CFAP221: variants seen among roughly 807,000 people sequenced by gnomAD.
CFAP221 encodes the protein cilia and flagella associated protein 221, also known as cilia- and flagella-associated protein 221.
Under a neutral mutation model 113.1 loss-of-function variants are expected in CFAP221, and 97 were observed. The observed-to-expected ratio is 0.86, with a 90% CI of 0.73 to 1.02. The LOEUF is 1.02. Among genes scored for constraint, CFAP221 ranks in the 50% least tolerant of loss-of-function variants. The pLI is 0.00. For missense variants in CFAP221, 1,025 were observed against 1,013.4 expected (o/e 1.01, Z -0.16); for synonymous variants, 331 against 354.4 (o/e 0.93, Z 0.74).
intron 16 of CFAP221, among the ~76,000 whole-genome samples, chr2:119,628,632 G>C (rs1327974903): frequency 1.3e-5 from 2 of 152,324 alleles, no homozygotes; most frequent in Non-Finnish European, 2.9e-5. Flanking sequence ...GCAAGTGCAT[G>C]TGCAAAATAT....
chr2:119,586,742 A>G (rs774458594), intron 6 of CFAP221: 86 of 157,860 alleles, frequency 5.4e-4, no homozygotes, highest in Middle Eastern at 6.5e-3. Context: ...CTATCGCTGC[A>G]ACTCTGGAAA....
chr2:119,652,708 C>T (rs1688198589), intron 23 of CFAP221, among the ~76,000 whole-genome samples: 1 of 152,062 alleles, frequency 6.6e-6, no homozygotes, highest in Non-Finnish European at 1.5e-5. Flanking sequence ...GAAAGAAATA[C>T]AAATTAAAAC....
At chr2:119,548,262 C>T (rs1680187069) in intron 2 of CFAP221, among the ~76,000 whole-genome samples, 1 of 152,200 alleles carries the variant, frequency 6.6e-6, no homozygotes, top group African/African-American at 2.4e-5. Context: ...CCATGCCTAC[C>T]TTTTATTTTT....
intron 1 of CFAP221, among the ~76,000 whole-genome samples, chr2:119,545,767 A>G (rs62159781): frequency 0.02 from 3,062 of 152,276 alleles, 46 homozygotes; most frequent in Non-Finnish European, 0.028. Flanking sequence ...TTTGACTGAG[A>G]GCCTTTATTT....
At chr2:119,608,211 G>A (rs1684906193) in intron 11 of CFAP221, among the ~76,000 whole-genome samples, 1 of 152,178 alleles carries the variant, frequency 6.6e-6, no homozygotes, top group South Asian at 2.1e-4. Flanking sequence ...CCCAGTGGGT[G>A]TAAAGGGGTA....
chr2:119,546,335 G>C (rs940134609), intron 2 of CFAP221, 65 bp downstream of exon 2: 1 of 1,464,838 alleles, frequency 6.8e-7, no homozygotes, highest in African/African-American at 1.4e-5. Context: ...AAAGTCCAGA[G>C]AGCATAATGG....
In CFAP221 at chr2:119,546,102, TA is replaced by T. The variant is rs958406241; in HGVS notation, c.-25del. On this transcript the variant is annotated 5_prime_UTR_variant, in exon 2 of 24. The change creates a premature stop within an existing upstream ORF in the 5' untranslated region. Coordinates refer to ENST00000413369, the MANE Select transcript of CFAP221 (RefSeq NM_001271049.2). ...CTCCCCAGGACATGACCTTTGGCTC[TA>T]AAAAGAAGACTCCATTTTTCATGAT... 1 of 1,517,098 alleles carries T rather than the reference TA, an allele frequency of 6.6e-7. No homozygotes were observed. The highest frequency in any genetic ancestry group is 8.8e-7 in the Non-Finnish European group (1 of 1,141,816). The allele number at this position is 1,517,098 out of a possible 1,614,324, so 94.0% of individuals were successfully genotyped here.
At chr2:119,571,719 A>G (rs750503264) in intron 6 of CFAP221, among the ~76,000 whole-genome samples, 15 of 150,922 alleles carry the variant, frequency 9.9e-5, no homozygotes, top group African/African-American at 1.9e-4. Flanking sequence ...TGGCCTCCCA[A>G]AGTGCTGGGA....
chr2:119,644,078 G>A (rs930440610), intron 21 of CFAP221, among the ~76,000 whole-genome samples: 4 of 151,990 alleles, frequency 2.6e-5, no homozygotes, highest in African/African-American at 4.8e-5. Flanking sequence ...GCTTCAACCC[G>A]GGAGGCAGAG....
intron 19 of CFAP221, among the ~76,000 whole-genome samples, chr2:119,637,835 C>G (rs1687210792): frequency 6.6e-6 from 1 of 152,158 alleles, no homozygotes; most frequent in African/African-American, 2.4e-5. Flanking sequence ...TTTTTGTCAT[C>G]TCTTTAAAGT....
At chr2:119,592,008 A>G (rs1395079688) in intron 7 of CFAP221, among the ~76,000 whole-genome samples, 2 of 152,226 alleles carry the variant, frequency 1.3e-5, no homozygotes, top group Non-Finnish European at 1.5e-5. Context: ...TGTTTATTAT[A>G]TAAATATTAA....
chr2:119,583,742 A>G (rs1683007299), intron 6 of CFAP221, among the ~76,000 whole-genome samples: 1 of 152,138 alleles, frequency 6.6e-6, no homozygotes, highest in South Asian at 2.1e-4. Flanking sequence ...GGCCTTTGGG[A>G]GGTGATGAGG....
chr2:119,627,697 G>A lies in CFAP221; in HGVS notation c.1561G>A (p.Asp521Asn). The part of the protein sequence containing the change: ...KFFLRRISQD[D>N]YTSRFSVSPK... ...CTTCCTGAGGCGGATCAGTCAGGATGATTATACCAGCCGGTTCTCTGTGTC... is the reference window on the plus strand; with the variant it reads ...CTTCCTGAGGCGGATCAGTCAGGATAATTATACCAGCCGGTTCTCTGTGTC... The change falls in exon 16 of 24, where the codon GAT becomes AAT. Residue 521 changes from aspartate (D) to asparagine (N), a missense_variant. Coordinates refer to ENST00000413369, the MANE Select transcript of CFAP221 (RefSeq NM_001271049.2). 2 of 1,613,774 alleles carry A rather than the reference G, an allele frequency of 1.2e-6. No homozygotes were observed. Among genetic ancestry groups the A allele is most frequent in the Non-Finnish European group, 1.7e-6 (2 of 1,179,926 alleles).
intron 14 of CFAP221, among the ~76,000 whole-genome samples, chr2:119,622,562 C>CA (rs935595571): frequency 6.6e-6 from 1 of 151,974 alleles, no homozygotes; most frequent in Non-Finnish European, 1.5e-5. Context: ...AGAGACACAA[C>CA]AAAAAAAGAA....
At chr2:119,545,088 A>AT (rs1271312404) in intron 1 of CFAP221, 5 of 152,216 alleles carry the variant, frequency 3.3e-5, no homozygotes, top group Non-Finnish European at 7.3e-5. Flanking sequence ...TCTGAAAGTT[A>AT]TTGTTAAGCG....
chr2:119,646,445 C>T (rs774514810), intron 21 of CFAP221, among the ~76,000 whole-genome samples: 8 of 151,992 alleles, frequency 5.3e-5, no homozygotes, highest in African/African-American at 1.5e-4. Context: ...GGAAGAGTGA[C>T]GAGGAGGTGC....
Position 119,571,631 on chromosome 2 carries a change from A to AT in CFAP221, c.527+9523dup, listed in dbSNP as rs1434928803. 2.0e-5 allele frequency among the ~76,000 whole-genome samples: 3 copies of AT among 151,172 alleles called. No individual in the cohort carries two copies. In the East Asian group the frequency reaches 6.0e-4, roughly 30 times the overall value. ...CACCACACCTAGCTAACTTTTTTGT[A>AT]TTTTTTGGTGGAGATGGGATTTCAC... On this transcript the variant is annotated intron_variant, in intron 6 of 23. Transcript: ENST00000413369.
intron 12 of CFAP221, among the ~76,000 whole-genome samples, chr2:119,611,420 CAAAAA>C (rs10689517): frequency 8.8e-6 from 1 of 113,492 alleles, no homozygotes; most frequent in East Asian, 2.4e-4. Flanking sequence ...GAGACAACGT[CAAAAA>C]AAAAAAAAAA....
chr2:119,555,705 G>T (rs1394554778), intron 3 of CFAP221, among the ~76,000 whole-genome samples: 1 of 152,154 alleles, frequency 6.6e-6, no homozygotes. Context: ...AAGAGCCCTA[G>T]CCCAGAGCTG....
Sources: allele counts gnomAD v4.1 joint callset (sites outside exome capture counted in the v4.1 genomes callset), GRCh38; gene constraint gnomAD v4.1.1; transcripts MANE v1.5; gene names NCBI Gene and HGNC (gene_info 2026-07-23, HGNC 2026-07-21).